Variants in GSE1 observed in about 807,000 individuals in gnomAD.
The protein encoded by GSE1 is genetic suppressor element 1.
GSE1 carries 32 observed loss-of-function variants against 112.6 expected under a neutral mutation model. The observed-to-expected ratio is 0.28, with a 90% CI of 0.21 to 0.38. The LOEUF (loss-of-function observed/expected upper bound fraction) is 0.38, where lower values mean the gene tolerates loss of function less well. Ranked by LOEUF, GSE1 falls within the 10% of genes least tolerant of loss-of-function variation. The pLI is 1.00. For synonymous variants in GSE1, 1,115 were observed against 735.6 expected (o/e 1.52, Z -8.35); for missense variants, 2,348 against 1,699.2 (o/e 1.38, Z -6.71).
intron 2 of GSE1, among the ~76,000 whole-genome samples, chr16:85,533,362 A>G (rs992553905): frequency 6.6e-6 from 1 of 152,036 alleles, no homozygotes; most frequent in African/African-American, 2.4e-5. Context: ...GGAGGTTGCA[A>G]TGAGCCGAGA....
At chr16:85,253,511 T>C (rs1443603343) in intron 1 of GSE1, among the ~76,000 whole-genome samples, 1 of 152,090 alleles carries the variant, frequency 6.6e-6, no homozygotes, top group Non-Finnish European at 1.5e-5. Context: ...CTTTCTGGAG[T>C]CCCTCCTGTA....
At chr16:85,396,613 T>G (rs988602394) in intron 2 of GSE1, among the ~76,000 whole-genome samples, 5 of 152,146 alleles carry the variant, frequency 3.3e-5, no homozygotes, top group African/African-American at 7.2e-5. Context: ...GGCAGCTTCC[T>G]CCTCCCTCCG....
chr16:85,221,765 G>A (rs2143755731), intron 1 of GSE1, among the ~76,000 whole-genome samples: 1 of 152,118 alleles, frequency 6.6e-6, no homozygotes, highest in South Asian at 2.1e-4. Context: ...TGGGGGCTCG[G>A]CCCCCAGACA....
At chr16:85,247,010 G>T (rs1905927275) in intron 1 of GSE1, among the ~76,000 whole-genome samples, 1 of 152,024 alleles carries the variant, frequency 6.6e-6, no homozygotes, top group African/African-American at 2.4e-5. Flanking sequence ...TCCCTAGAGG[G>T]GGGCACCGCC....
In GSE1 at chr16:85,657,512, C is replaced by G. The variant is rs149163248; in HGVS notation, c.1548C>G (p.Ser516=). ...AGGAGGACCGGCAGTCTCAGGTGTC[C>G]GAGTTCCGGCAGCAGGTGCTGGAGC... The part of the protein sequence containing the change: ...QEKEDRQSQV[S]EFRQQVLEQH... The change falls in exon 8 of 16, where the codon TCC becomes TCG. Residue 516 remains serine (S), a synonymous_variant. Transcript: ENST00000253458. The G allele has an allele frequency of 6.2e-7, 1 of 1,604,592 alleles. No individual in the cohort carries two copies.
In GSE1 at chr16:85,419,712, G is replaced by A. The variant is rs562456118; in HGVS notation, c.2464+62069G>A. On this transcript the variant is annotated intron_variant, in intron 2 of 2. Transcript: ENST00000637419. The surrounding 1 kb of genome is among the most constrained non-coding windows in gnomAD (Gnocchi z 6.5). ...CGTGTGCAACGGTGAATGCACGTTG[G>A]AATCAGCTGGGGATCTCTAAAAACC... 1.5e-4 allele frequency among the ~76,000 whole-genome samples: 23 copies of A among 152,252 alleles called. No individual in the cohort carries two copies. Among genetic ancestry groups the A allele is most frequent in the African/African-American group, 5.1e-4 (21 of 41,550 alleles).
At chr16:85,293,716 C>T (rs550403834) in intron 1 of GSE1, among the ~76,000 whole-genome samples, 1 of 152,322 alleles carries the variant, frequency 6.6e-6, no homozygotes, top group South Asian at 2.1e-4. Flanking sequence ...GCATTGCCCA[C>T]AGTCCTTGGG....
At chr16:85,509,557 A>T (rs868058828) in intron 2 of GSE1, among the ~76,000 whole-genome samples, 1 of 152,248 alleles carries the variant, frequency 6.6e-6, no homozygotes, top group South Asian at 2.1e-4. Context: ...CCTCGCTGTC[A>T]TCAGCTTGCC....
intron 1 of GSE1, among the ~76,000 whole-genome samples, chr16:85,201,755 T>G (rs1029864783): frequency 2.6e-5 from 4 of 152,174 alleles, no homozygotes; most frequent in African/African-American, 9.7e-5. Context: ...GTTCCAGACT[T>G]CACTTTTCTC....
chr16:85,460,278 G>A (rs180874531), intron 2 of GSE1, among the ~76,000 whole-genome samples: 48 of 152,236 alleles, frequency 3.2e-4, no homozygotes, highest in African/African-American at 1.1e-3. Context: ...CCACCCGGGG[G>A]GCTTTGAGAC....
At chr16:85,645,263 C>A (rs568691455) in intron 2 of GSE1, among the ~76,000 whole-genome samples, 1 of 152,070 alleles carries the variant, frequency 6.6e-6, no homozygotes, top group Admixed American at 6.6e-5. Context: ...TGGGCCAGAT[C>A]CTGGTGGGTG....
chr16:85,589,943 CATT>C (rs775756271), intron 1 of GSE1, among the ~76,000 whole-genome samples: 9 of 151,948 alleles, frequency 5.9e-5, no homozygotes, highest in East Asian at 1.9e-4. Context: ...ACGTGTGTGA[CATT>C]GTGGGAATGT....
At chr16:85,584,088 G>C (rs1012164220) in intron 1 of GSE1, among the ~76,000 whole-genome samples, 1 of 152,186 alleles carries the variant, frequency 6.6e-6, no homozygotes, top group Non-Finnish European at 1.5e-5. Context: ...GCATGGGGAC[G>C]GGGACACAGG....
chr16:85,665,071 G>A lies in GSE1; in HGVS notation c.2701G>A (p.Ala901Thr), dbSNP rs1441092796. ...CATGAAGCAGAAGGCACTGTCAGCA[G>A]CAGTGGCCGACTCCTTGACAAACTC... ...RAMKQKALSA[A>T]VADSLTNSPR... The change falls in exon 12 of 16, where the codon GCA becomes ACA. Residue 901 changes from alanine (A) to threonine (T), a missense_variant. Physicochemically the swap from Ala to Thr is moderately conservative, Grantham distance 58. Transcript: ENST00000253458. 2 of 1,613,002 alleles carry A rather than the reference G, an allele frequency of 1.2e-6. No homozygotes were observed. Among genetic ancestry groups the A allele is most frequent in the Non-Finnish European group, 1.7e-6 (2 of 1,179,180 alleles).
chr16:85,297,463 G>A (rs903604284), intron 1 of GSE1, among the ~76,000 whole-genome samples: 3 of 152,138 alleles, frequency 2.0e-5, no homozygotes, highest in African/African-American at 7.2e-5. Flanking sequence ...TATCAGATGG[G>A]TTGCCCCTGT....
chr16:85,525,578 G>C (rs116669996), intron 2 of GSE1, among the ~76,000 whole-genome samples: 1,577 of 152,334 alleles, frequency 0.01, 26 homozygotes, highest in African/African-American at 0.036. Flanking sequence ...CAAATGGGGG[G>C]TGTCACTGCC....
At chr16:85,233,618 G>C (rs914553296) in intron 1 of GSE1, among the ~76,000 whole-genome samples, 4 of 152,166 alleles carry the variant, frequency 2.6e-5, no homozygotes, top group African/African-American at 9.7e-5. Context: ...GCCTCTGCAT[G>C]TGTGTGTGTG....
chr16:85,474,984 G>A (rs1467616667), intron 2 of GSE1, among the ~76,000 whole-genome samples: 2 of 152,094 alleles, frequency 1.3e-5, no homozygotes, highest in African/African-American at 2.4e-5. Flanking sequence ...TTCTCCAGAC[G>A]TCTCCAGTTT....
At chr16:85,507,238 C>T (rs1366336199) in intron 2 of GSE1, among the ~76,000 whole-genome samples, 1 of 152,332 alleles carries the variant, frequency 6.6e-6, no homozygotes, top group African/African-American at 2.4e-5. Context: ...TTTGTCTTCT[C>T]TGTCTGCTCA....
Sources: allele counts gnomAD v4.1 joint callset (sites outside exome capture counted in the v4.1 genomes callset), GRCh38; gene constraint gnomAD v4.1.1; non-coding constraint Gnocchi (gnomAD v3.1); transcripts MANE v1.5; gene names NCBI Gene and HGNC (gene_info 2026-07-23, HGNC 2026-07-21).